The following AADACL4 variants were observed in gnomAD, a reference collection of about 807,000 sequenced individuals.
AADACL4 encodes arylacetamide deacetylase-like 4.
In AADACL4, 9 loss-of-function variants were observed where a neutral mutation model predicts 14.1. The observed-to-expected ratio is 0.64, with a 90% CI of 0.39 to 1.12. The LOEUF is 1.12. Among genes scored for constraint, AADACL4 ranks in the 50% most tolerant of loss-of-function variants. The probability of loss-of-function intolerance (pLI) is 0.01; values close to 1 mark genes in which losing one functional copy is unlikely to be tolerated. For synonymous variants in AADACL4, 188 were observed against 201.6 expected (o/e 0.93, Z 0.57); for missense variants, 531 against 516.1 (o/e 1.03, Z -0.28).
intron 2 of AADACL4, among the ~76,000 whole-genome samples, chr1:12,660,651 A>AT (rs558759180): frequency 1.8e-3 from 270 of 149,146 alleles, no homozygotes; most frequent in African/African-American, 5.3e-3. Flanking sequence ...AGGCATCAGC[A>AT]TTTTTTTTTT....
In AADACL4 at chr1:12,667,000, G is replaced by A. The variant is rs1647357350; in HGVS notation, c.*265G>A. The A allele has an allele frequency of 4.3e-6, 2 of 464,512 alleles. No individual in the cohort carries two copies. Among genetic ancestry groups the A allele is most frequent in the Non-Finnish European group, 7.5e-6 (2 of 267,006 alleles). The allele number at this position is 464,512 out of a possible 1,614,324, so 28.8% of individuals were successfully genotyped here. On this transcript the variant is annotated 3_prime_UTR_variant, in exon 4 of 4. Coordinates refer to ENST00000376221, the MANE Select transcript of AADACL4 (RefSeq NM_001013630.2). ...CATTTAGGTGAAATAAATATCAAAA[G>A]GAGAAAAAAATGCCTTTAAAAATTT...
chr1:12,660,338 G>A (rs745661086), intron 2 of AADACL4, among the ~76,000 whole-genome samples: 6 of 152,150 alleles, frequency 3.9e-5, no homozygotes, highest in Admixed American at 2.6e-4. Flanking sequence ...TTATTTTTCT[G>A]TATGGCTGAG....
At chr1:12,658,798 C>G (rs180768666) in intron 2 of AADACL4, among the ~76,000 whole-genome samples, 1 of 151,970 alleles carries the variant, frequency 6.6e-6, no homozygotes, top group East Asian at 1.9e-4. Flanking sequence ...CTGGTCTCCA[C>G]CCCCGGCTTC....
At chr1:12,654,122 G>A (rs765647230) in intron 2 of AADACL4, among the ~76,000 whole-genome samples, 2 of 152,182 alleles carry the variant, frequency 1.3e-5, no homozygotes, top group Non-Finnish European at 2.9e-5. Flanking sequence ...CCATCCATAA[G>A]ATCTAATACC....
intron 2 of AADACL4, among the ~76,000 whole-genome samples, chr1:12,652,389 G>A (rs766067191): frequency 2.0e-5 from 3 of 152,170 alleles, no homozygotes; most frequent in Non-Finnish European, 2.9e-5. Context: ...GGCTGACTAC[G>A]CCTGGTTCTT....
intron 1 of AADACL4, among the ~76,000 whole-genome samples, chr1:12,646,659 G>A (rs928809997): frequency 6.6e-6 from 1 of 152,234 alleles, no homozygotes; most frequent in Admixed American, 6.5e-5. Flanking sequence ...GAGAAATGGA[G>A]ATTTTTCTGT....
At chr1:12,654,976 C>T (rs1647172236) in intron 2 of AADACL4, among the ~76,000 whole-genome samples, 1 of 152,124 alleles carries the variant, frequency 6.6e-6, no homozygotes, top group African/African-American at 2.4e-5. Context: ...TGACTCTTTA[C>T]AGCACCTTGC....
chr1:12,664,426 G>A (rs938608564), intron 3 of AADACL4, among the ~76,000 whole-genome samples: 2 of 151,688 alleles, frequency 1.3e-5, no homozygotes, highest in Admixed American at 6.6e-5. Context: ...GAGTGCAGTG[G>A]CACAATCTCG....
intron 3 of AADACL4, among the ~76,000 whole-genome samples, chr1:12,663,384 C>T (rs577979782): frequency 6.6e-6 from 1 of 152,308 alleles, no homozygotes; most frequent in South Asian, 2.1e-4. Context: ...AGGCTGTAGA[C>T]TGCCAGCTTC....
intron 2 of AADACL4, among the ~76,000 whole-genome samples, chr1:12,654,941 G>C (rs145107477): frequency 6.6e-6 from 1 of 152,070 alleles, no homozygotes; most frequent in Admixed American, 6.5e-5. Flanking sequence ...TACGAGTCTC[G>C]CTGGCTGGTC....
At chr1:12,654,945 G>A (rs1647172035) in intron 2 of AADACL4, among the ~76,000 whole-genome samples, 1 of 152,132 alleles carries the variant, frequency 6.6e-6, no homozygotes, top group African/African-American at 2.4e-5. Context: ...AGTCTCGCTG[G>A]CTGGTCAGGG....
chr1:12,644,720 T>C lies in AADACL4; in HGVS notation c.168+6T>C, dbSNP rs979576002. 33 of 1,613,446 alleles carry C rather than the reference T, an allele frequency of 2.0e-5. No homozygotes were observed. Among genetic ancestry groups the C allele is most frequent in the Non-Finnish European group, 2.6e-5 (31 of 1,179,558 alleles). On this transcript the variant is annotated splice_donor_region_variant and intron_variant, in intron 1 of 3. Coordinates refer to ENST00000376221, the MANE Select transcript of AADACL4 (RefSeq NM_001013630.2). ...TCCTCTACCTGGTCACTTTGGTGAG[T>C]TTACTCTCAGGCCACGTCGTAACCT... is the stretch of plus-strand genomic sequence containing the variant.
chr1:12,656,003 C>T (rs575503468), intron 2 of AADACL4, among the ~76,000 whole-genome samples: 1 of 152,202 alleles, frequency 6.6e-6, no homozygotes, highest in African/African-American at 2.4e-5. Context: ...CCCTATTTTC[C>T]AACTTATATT....
intron 3 of AADACL4, 51 bp downstream of exon 3, chr1:12,661,905 G>A (rs1397918554): frequency 6.3e-7 from 1 of 1,580,586 alleles, no homozygotes; most frequent in Non-Finnish European, 8.7e-7. Context: ...GAGGAGATAG[G>A]GTAAGTTCAT....
Position 12,651,282 on chromosome 1 carries a change from A to G in AADACL4, c.328A>G (p.Arg110Gly). 1.2e-6 allele frequency: 2 copies of G among 1,614,230 alleles called. No homozygotes were observed. Among genetic ancestry groups the G allele is most frequent in the Non-Finnish European group, 1.7e-6 (2 of 1,180,044 alleles). Residue 110 changes from arginine to glycine, a missense_variant, in exon 2 of 4, where the codon AGA becomes GGA. By Grantham distance (125) the Arg-to-Gly change is moderately radical. Transcript: ENST00000376221. ...GTTCCAGCCGAAGGCAGCATCCTCCAGACCCCGGCGAGGCATCATCTTCTA... is the reference window on the plus strand; with the variant it reads ...GTTCCAGCCGAAGGCAGCATCCTCCGGACCCCGGCGAGGCATCATCTTCTA... ...RLFQPKAASSRPRRGIIFYHG... is the reference protein window; with the variant it reads ...RLFQPKAASSGPRRGIIFYHG...
chr1:12,659,614 G>A (rs1405445054), intron 2 of AADACL4, among the ~76,000 whole-genome samples: 1 of 152,224 alleles, frequency 6.6e-6, no homozygotes, highest in African/African-American at 2.4e-5. Flanking sequence ...CACAGCAAGT[G>A]TGCAAGTGAA....
chr1:12,657,045 A>AGT (rs1277793488), intron 2 of AADACL4, among the ~76,000 whole-genome samples: 2 of 151,380 alleles, frequency 1.3e-5, no homozygotes, highest in African/African-American at 4.9e-5. Context: ...CAGGAGGCTG[A>AGT]AGCAGGAGGA....
At chr1:12,661,973 T>A (rs765966888) in intron 3 of AADACL4, 119 bp downstream of exon 3, 111 of 1,120,132 alleles carry the variant, frequency 9.9e-5, no homozygotes, top group Non-Finnish European at 1.4e-4. Context: ...TGGACATGCA[T>A]CCACAGAGAC....
chr1:12,665,415 C>T (rs909608572), intron 3 of AADACL4, among the ~76,000 whole-genome samples: 3 of 152,092 alleles, frequency 2.0e-5, no homozygotes, highest in Non-Finnish European at 2.9e-5. Context: ...TTAGTAGAGA[C>T]GGGGTTTCAC....
Sources: allele counts gnomAD v4.1 joint callset (sites outside exome capture counted in the v4.1 genomes callset), GRCh38; gene constraint gnomAD v4.1.1; transcripts MANE v1.5; gene names NCBI Gene and HGNC (gene_info 2026-07-23, HGNC 2026-07-21).